PLD5: variants seen among roughly 807,000 people sequenced by gnomAD.
PLD5 encodes phospholipase D family member 5.
In PLD5, 36 loss-of-function variants were observed where a neutral mutation model predicts 61.1. That is an observed-to-expected ratio of 0.59 (90% CI 0.45 to 0.78). The LOEUF is 0.78. Among genes scored for constraint, PLD5 ranks in the 30% least tolerant of loss-of-function variants. The probability of loss-of-function intolerance (pLI) is 0.00; values close to 1 mark genes in which losing one functional copy is unlikely to be tolerated. For missense variants in PLD5, 515 were observed against 644.4 expected, an observed-to-expected ratio of 0.80 and a Z score of 2.17; for synonymous variants, 243 against 242.8, an observed-to-expected ratio of 1.00 and a Z score of -0.01.
intron 1 of PLD5, among the ~76,000 whole-genome samples, chr1:242,416,447 A>G (rs1358465507): frequency 4.6e-5 from 7 of 152,214 alleles, no homozygotes; most frequent in South Asian, 2.1e-4. Flanking sequence ...ATGTTACATG[A>G]CACAGAATAT....
chr1:242,282,510 T>C (rs2149129128), intron 3 of PLD5, among the ~76,000 whole-genome samples: 1 of 152,302 alleles, frequency 6.6e-6, no homozygotes, highest in South Asian at 2.1e-4. Context: ...TCATAATTTC[T>C]CGAAATCAAA....
At chr1:242,351,132 T>G (rs1228770495) in intron 1 of PLD5, among the ~76,000 whole-genome samples, 1 of 152,108 alleles carries the variant, frequency 6.6e-6, no homozygotes, top group Middle Eastern at 3.4e-3. Flanking sequence ...AACTCCTGAC[T>G]TCAGGTGATC....
At chr1:242,494,115 C>CCTCTCCTCCG (rs1351025390) in intron 1 of PLD5, among the ~76,000 whole-genome samples, 1 of 131,676 alleles carries the variant, frequency 7.6e-6, no homozygotes, top group African/African-American at 3.0e-5. Context: ...CCTCTCCTCC[C>CCTCTCCTCCG]CTCTCCTCCC....
At chr1:242,304,631 A>G (rs1192842847) in intron 2 of PLD5, among the ~76,000 whole-genome samples, 3 of 152,224 alleles carry the variant, frequency 2.0e-5, no homozygotes, top group Non-Finnish European at 4.4e-5. Flanking sequence ...GAAACATTCT[A>G]TGTACACAGA....
intron 5 of PLD5, among the ~76,000 whole-genome samples, chr1:242,169,586 C>T (rs1666589487): frequency 6.6e-6 from 1 of 152,134 alleles, no homozygotes; most frequent in Non-Finnish European, 1.5e-5. Flanking sequence ...CAGAACTATT[C>T]ACCCCCCTGC....
intron 1 of PLD5, among the ~76,000 whole-genome samples, chr1:242,454,540 G>T (rs1666888182): frequency 1.3e-5 from 2 of 152,094 alleles, no homozygotes; most frequent in South Asian, 2.1e-4. Flanking sequence ...AACCACCCAA[G>T]ATTGCTAAGC....
At chr1:242,200,393 C>T (rs946354438) in intron 5 of PLD5, among the ~76,000 whole-genome samples, 1 of 152,138 alleles carries the variant, frequency 6.6e-6, no homozygotes, top group African/African-American at 2.4e-5. Flanking sequence ...CTAAAAAGAT[C>T]TTCAATAAGG....
At position 242,114,027 on chromosome 1, in the gene PLD5, C is replaced by A; in HGVS notation, c.934-1G>T. 1 of 1,612,032 alleles carries A rather than the reference C, an allele frequency of 6.2e-7. No homozygotes were observed. Among genetic ancestry groups the A allele is most frequent in the African/African-American group, 1.3e-5 (1 of 75,004 alleles). ...TAGGGCAAAAGAGTTTTGGAGAATT[C>A]TGTGAAGACACAAAAGCCAAACTTT... On this transcript the variant is annotated splice_acceptor_variant, in intron 6 of 9. Transcript: ENST00000536534. LOFTEE classifies it high-confidence loss of function.
At chr1:242,288,706 T>C (rs1675175866) in intron 2 of PLD5, among the ~76,000 whole-genome samples, 176 bp from the exon 3 acceptor site, 1 of 152,234 alleles carries the variant, frequency 6.6e-6, no homozygotes, top group South Asian at 2.1e-4. Flanking sequence ...TAACCTCTAC[T>C]AACCTACTGT....
rs778723542 is a variant in PLD5, at chr1:242,107,735, G to GT, written c.1174dup (p.Thr392AsnfsTer3). 1.2e-6 allele frequency: 2 copies of GT among 1,611,484 alleles called. No homozygotes were observed. The highest frequency in any genetic ancestry group is 1.1e-5 in the South Asian group (1 of 90,212). ...TTTAAGAGATGAAATAAAGTTAAAC[G>GT]TAAGGGGATCAGTTTCCTTCCAGAA... On this transcript the variant is annotated frameshift_variant, in exon 8 of 10. Transcript: ENST00000536534. LOFTEE classifies it high-confidence loss of function.
intron 5 of PLD5, among the ~76,000 whole-genome samples, chr1:242,173,810 T>C (rs917286645): frequency 1.8e-3 from 281 of 152,290 alleles, no homozygotes; most frequent in Non-Finnish European, 3.4e-4. Flanking sequence ...GGATTCCCTA[T>C]TTAATAAATG....
At chr1:242,475,393 A>G (rs1422391290) in intron 1 of PLD5, among the ~76,000 whole-genome samples, 5 of 133,688 alleles carry the variant, frequency 3.7e-5, no homozygotes, top group Non-Finnish European at 8.0e-5. Flanking sequence ...ACTGCACTCC[A>G]GCCTGGGCGA....
intron 9 of PLD5, among the ~76,000 whole-genome samples, chr1:242,097,633 A>T (rs1660352773): frequency 6.6e-6 from 1 of 152,070 alleles, no homozygotes. Context: ...TTCTTTGTAG[A>T]TTCTGGATAT....
chr1:242,282,002 T>C (rs1415719281), intron 3 of PLD5, among the ~76,000 whole-genome samples: 1 of 152,186 alleles, frequency 6.6e-6, no homozygotes, highest in Non-Finnish European at 1.5e-5. Context: ...CCCTTCTAAT[T>C]GTACACAGTA....
At chr1:242,391,735 C>G (rs1324078591) in intron 1 of PLD5, among the ~76,000 whole-genome samples, 1 of 152,060 alleles carries the variant, frequency 6.6e-6, no homozygotes, top group Non-Finnish European at 1.5e-5. Context: ...CCAGGGCACA[C>G]ATGACATACT....
chr1:242,434,195 A>C (rs1482683546), intron 1 of PLD5, among the ~76,000 whole-genome samples: 1 of 152,204 alleles, frequency 6.6e-6, no homozygotes, highest in Admixed American at 6.5e-5. Context: ...GCTGGCATGG[A>C]CCAGCGTCGG....
At chr1:242,111,915 A>T (rs74363420) in intron 7 of PLD5, among the ~76,000 whole-genome samples, 2,543 of 152,244 alleles carry the variant, frequency 0.017, 67 homozygotes, top group African/African-American at 0.056. Flanking sequence ...TTTAACATTC[A>T]TTTTGTTTTC....
At chr1:242,489,167 CCAGTGACAGAAACCAGAT>C (rs1242290726) in intron 1 of PLD5, among the ~76,000 whole-genome samples, 31 of 152,062 alleles carry the variant, frequency 2.0e-4, no homozygotes, top group African/African-American at 6.8e-4. Flanking sequence ...AAACTCATCT[CCAGTGACAGAAACCAGAT>C]CAGTGGCAGA....
At chr1:242,496,167 T>C (rs904275983) in intron 1 of PLD5, among the ~76,000 whole-genome samples, 7 of 128,714 alleles carry the variant, frequency 5.4e-5, no homozygotes, top group African/African-American at 2.1e-4. Flanking sequence ...CAGAAAATGT[T>C]TGCAATGGGG....
Sources: gnomAD v4.1 joint callset for allele counts (sites outside exome capture counted in the v4.1 genomes callset) on GRCh38, gnomAD v4.1.1 for gene constraint, MANE v1.5 for transcripts, NCBI Gene and HGNC (gene_info 2026-07-23, HGNC 2026-07-21) for gene names.